KRTAP5-9: variants seen among roughly 807,000 people sequenced by gnomAD.
KRTAP5-9 encodes the protein keratin associated protein 5-9.
In KRTAP5-9, 2 loss-of-function variants were observed where a neutral mutation model predicts 3.0. The observed-to-expected ratio is 0.67, with a 90% CI of 0.27 to 2.09. KRTAP5-9 has a LOEUF of 2.09. Ranked by LOEUF, KRTAP5-9 falls within the 30% of genes most tolerant of loss-of-function variation. The pLI is 0.14. For synonymous variants in KRTAP5-9, 70 were observed against 81.2 expected, an observed-to-expected ratio of 0.86 and a Z score of 0.74; for missense variants, 183 against 204.2, an observed-to-expected ratio of 0.90 and a Z score of 0.63.
chr11:71,548,717 C>T lies in KRTAP5-9; in HGVS notation c.60C>T (p.Ser20=), dbSNP rs1358281925. Residue 20 remains serine (S), a synonymous_variant, in exon 1 of 1, where the codon AGC becomes AGT. Transcript: ENST00000528743. ...CGSSCGGCDS[S]CGSCGSGCRG... is the part of the protein sequence containing the mutation. ...CCAGCTGTGGAGGCTGTGACTCCAG[C>T]TGTGGGAGCTGTGGCTCTGGCTGCA... The T allele has an allele frequency of 6.2e-7, 1 of 1,612,950 alleles. No individual in the cohort carries two copies. The highest frequency in any genetic ancestry group is 1.3e-5 in the African/African-American group (1 of 75,020).
At position 71,549,123 on chromosome 11, in the gene KRTAP5-9, C is replaced by A. The variant is rs757064272; in HGVS notation, c.466C>A (p.Gln156Lys). 4 of 1,614,210 alleles carry A rather than the reference C, an allele frequency of 2.5e-6. No homozygotes were observed. In the South Asian group the frequency reaches 4.4e-5, roughly 18 times the overall value. The part of the protein sequence containing the change: ...QSSCCKPCCS[Q>K]SRCCVPVCYQ... ...CAGCTGCTGCAAGCCCTGCTGCTCC[C>A]AGTCCAGATGCTGTGTCCCTGTGTG... Residue 156 changes from glutamine to lysine, a missense_variant, in exon 1 of 1, where the codon CAG (glutamine) becomes AAG (lysine). Physicochemically the swap from Gln to Lys is moderately conservative, Grantham distance 53. Transcript: ENST00000528743.
In KRTAP5-9 at chr11:71,549,213, C is replaced by T; in HGVS notation, c.*46C>T. On this transcript the variant is annotated 3_prime_UTR_variant, in exon 1 of 1. Transcript: ENST00000528743. ...GGTAGCTCCTGAAGATCTGTGCTTT[C>T]CAACAAGTGACTACCCTTGAAGCAC... 14 of 1,611,570 alleles carry T rather than the reference C, an allele frequency of 8.7e-6. No individual in the cohort carries two copies. The highest frequency in any genetic ancestry group is 1.2e-5 in the Non-Finnish European group (14 of 1,177,968).
Position 71,548,776 on chromosome 11 carries a change from A to G in KRTAP5-9, c.119A>G (p.Tyr40Cys), listed in dbSNP as rs10792769. 0.13 allele frequency: 209,877 copies of G among 1,613,374 alleles called. 16,815 individuals carry two copies. Among genetic ancestry groups the G allele is most frequent in the African/African-American group, 0.38 (28,150 of 74,924 alleles). ...GGCCCCAGCTGCTGTGCACCCGTCT[A>G]CTGCTGCAAGCCCGTGTGCTGCTGT... ...GCGPSCCAPV[Y>C]CCKPVCCCVP... is the part of the protein sequence containing the mutation. The change falls in exon 1 of 1, where the codon TAC becomes TGC. Residue 40 changes from tyrosine (Y) to cysteine (C), a missense_variant. Tyr to Cys is a radical substitution (Grantham distance 194). Transcript: ENST00000528743.
Position 71,549,520 on chromosome 11 carries a change from T to C in KRTAP5-9, c.*353T>C, listed in dbSNP as rs1420745787. The C allele has an allele frequency of 2.5e-6, 1 of 401,762 alleles. No homozygotes were observed. The highest frequency in any genetic ancestry group is 4.7e-6 in the Non-Finnish European group (1 of 211,252). The allele number at this position is 401,762 out of a possible 1,614,324, so 24.9% of individuals were successfully genotyped here. ...CCAGGAGCTTCACGACATTTGCAGA[T>C]GGATGTCCTGCAACCCAAATGATCA... On this transcript the variant is annotated 3_prime_UTR_variant, in exon 1 of 1. Coordinates refer to ENST00000528743, the MANE Select transcript of KRTAP5-9 (RefSeq NM_005553.4).
Position 71,548,856 on chromosome 11 carries a change from G to T in KRTAP5-9, c.199G>T (p.Gly67Cys). 1 of 1,614,140 alleles carries T rather than the reference G, an allele frequency of 6.2e-7. No individual in the cohort carries two copies. The highest frequency in any genetic ancestry group is 8.5e-7 in the Non-Finnish European group (1 of 1,180,030). The stretch of plus-strand genomic sequence containing the variant: ...CAAGCGGGGCTGTGGCTCCTGTGGG[G>T]GCTCCAAGGGAGGCTGTGGTTCTTG... Reference protein sequence around the residue: ...CGKRGCGSCGGSKGGCGSCGC... With the variant: ...CGKRGCGSCGCSKGGCGSCGC... Residue 67 changes from glycine to cysteine, a missense_variant, in exon 1 of 1, where the codon GGC becomes TGC. Transcript: ENST00000528743.
Position 71,549,134 on chromosome 11 carries a change from C to A in KRTAP5-9, c.477C>A (p.Cys159Ter), listed in dbSNP as rs1478850299. 6.2e-7 allele frequency: 1 copy of A among 1,614,232 alleles called. No individual in the cohort carries two copies. Among genetic ancestry groups the A allele is most frequent in the Non-Finnish European group, 8.5e-7 (1 of 1,180,034 alleles). ...CCKPCCSQSRCCVPVCYQCKI is the reference protein window; with the variant it reads ...CCKPCCSQSR ...AGCCCTGCTGCTCCCAGTCCAGATG[C>A]TGTGTCCCTGTGTGCTACCAGTGCA... The change falls in exon 1 of 1, where the codon TGC becomes TGA. Residue 159 changes from cysteine (C) to a stop codon, truncating the protein, a stop_gained. Coordinates refer to ENST00000528743, the MANE Select transcript of KRTAP5-9 (RefSeq NM_005553.4). LOFTEE classifies it high-confidence loss of function.
chr11:71,548,540 A>C lies in KRTAP5-9; in HGVS notation c.-118A>C. On this transcript the variant is annotated 5_prime_UTR_variant, in exon 1 of 1. Coordinates refer to ENST00000528743, the MANE Select transcript of KRTAP5-9 (RefSeq NM_005553.4). ...AGGAGCTGTGTAACAGCAACCGGAA[A>C]GAGAAACAATGGTGTGTTCCTATGT... The C allele has an allele frequency of 2.0e-5, 31 of 1,515,414 alleles. No homozygotes were observed. Among genetic ancestry groups the C allele is most frequent in the South Asian group, 2.7e-5 (2 of 75,264 alleles). The allele number at this position is 1,515,414 out of a possible 1,614,324, so 93.9% of individuals were successfully genotyped here.
At position 71,549,374 on chromosome 11, in the gene KRTAP5-9, A is replaced by C; in HGVS notation, c.*207A>C. 2.7e-6 allele frequency: 2 copies of C among 736,038 alleles called. No individual in the cohort carries two copies. The highest frequency in any genetic ancestry group is 4.5e-6 in the Non-Finnish European group (2 of 448,050). The allele number at this position is 736,038 out of a possible 1,614,324, so 45.6% of individuals were successfully genotyped here. ...CCAGGCAATTTTGCCCCTCTTTCCC[A>C]CATGCCCCCATATGTCTGAGCCAAA... On this transcript the variant is annotated 3_prime_UTR_variant, in exon 1 of 1. Transcript: ENST00000528743.
rs74818399 is a variant in KRTAP5-9, at chr11:71,549,322, C to G, written c.*155C>G. On this transcript the variant is annotated 3_prime_UTR_variant, in exon 1 of 1. Transcript: ENST00000528743. ...GGAAATGGAATGAACCACTCCCTGC[C>G]CATTCCCTATAAGAATATCCCAAGA... is the stretch of plus-strand genomic sequence containing the variant. 4,165 of 1,105,472 alleles carry G rather than the reference C, an allele frequency of 3.8e-3. 119 individuals are homozygous for G. The African/African-American group carries it at 0.059, about 16-fold the overall frequency. The allele number at this position is 1,105,472 out of a possible 1,614,324, so 68.5% of individuals were successfully genotyped here.
chr11:71,549,583 G>T lies in KRTAP5-9; in HGVS notation c.*416G>T. On this transcript the variant is annotated 3_prime_UTR_variant, in exon 1 of 1. Coordinates refer to ENST00000528743, the MANE Select transcript of KRTAP5-9 (RefSeq NM_005553.4). ...GAAATCCAAAATGCATCTGGGTGCA[G>T]CACTAAATAAATTCTCCATCCCTCA... The T allele has an allele frequency of 3.7e-6, 1 of 267,562 alleles. No homozygotes were observed. The highest frequency in any genetic ancestry group is 6.2e-5 in the South Asian group (1 of 16,126). The allele number at this position is 267,562 out of a possible 1,614,324, so 16.6% of individuals were successfully genotyped here.
At position 71,549,531 on chromosome 11, in the gene KRTAP5-9, C is replaced by A; in HGVS notation, c.*364C>A. 1 of 383,942 alleles carries A rather than the reference C, an allele frequency of 2.6e-6. No homozygotes were observed. Among genetic ancestry groups the A allele is most frequent in the Non-Finnish European group, 5.0e-6 (1 of 200,448 alleles). The allele number at this position is 383,942 out of a possible 1,614,324, so 23.8% of individuals were successfully genotyped here. On this transcript the variant is annotated 3_prime_UTR_variant, in exon 1 of 1. Coordinates refer to ENST00000528743, the MANE Select transcript of KRTAP5-9 (RefSeq NM_005553.4). ...ACGACATTTGCAGATGGATGTCCTG[C>A]AACCCAAATGATCACATGTATCTAT...
rs1950106576 is a variant in KRTAP5-9, at chr11:71,548,507, A to G, written c.-151A>G. On this transcript the variant is annotated 5_prime_UTR_variant, in exon 1 of 1. Transcript: ENST00000528743. ...ATAGCCAAAGAAAAACAATCAAGAC[A>G]TACCTCCAGGAGCTGTGTAACAGCA... is the stretch of plus-strand genomic sequence containing the variant. The G allele has an allele frequency of 1.4e-6, 2 of 1,436,086 alleles. No individual in the cohort carries two copies. Among genetic ancestry groups the G allele is most frequent in the Non-Finnish European group, 9.4e-7 (1 of 1,063,822 alleles). 89.0% of individuals were successfully genotyped at this position (1,436,086 alleles called of 1,614,324 possible). A position where few individuals can be genotyped will look rare whatever the true frequency, so the allele number is the denominator to read the frequency against.
chr11:71,548,674 G>T lies in KRTAP5-9; in HGVS notation c.17G>T (p.Cys6Phe). The T allele has an allele frequency of 6.2e-7, 1 of 1,610,376 alleles. No homozygotes were observed. The highest frequency in any genetic ancestry group is 8.5e-7 in the Non-Finnish European group (1 of 1,178,816). Residue 6 changes from cysteine (C) to phenylalanine (F), a missense_variant, in exon 1 of 1, where the codon TGC becomes TTC. Cys to Phe is a radical substitution (Grantham distance 205). Transcript: ENST00000528743. ...ACCAGAACCATGGGCTGCTGTGGCT[G>T]CTCCGGAGGCTGTGGCTCCAGCTGT... MGCCG[C>F]SGGCGSSCGG...
At position 71,549,358 on chromosome 11, in the gene KRTAP5-9, T is replaced by C; in HGVS notation, c.*191T>C. The C allele has an allele frequency of 1.1e-6, 1 of 881,540 alleles. No homozygotes were observed. Among genetic ancestry groups the C allele is most frequent in the Non-Finnish European group, 1.7e-6 (1 of 580,352 alleles). 54.6% of individuals were successfully genotyped at this position (881,540 alleles called of 1,614,324 possible). ...AAGAATATCCCAAGACCCAGGCAATTTTGCCCCTCTTTCCCACATGCCCCC... is the reference window on the plus strand; with the variant it reads ...AAGAATATCCCAAGACCCAGGCAATCTTGCCCCTCTTTCCCACATGCCCCC... On this transcript the variant is annotated 3_prime_UTR_variant, in exon 1 of 1. Transcript: ENST00000528743.
rs1950106587 is a variant in KRTAP5-9 at position 71,548,513 on chromosome 11, C to G, written c.-145C>G. On this transcript the variant is annotated 5_prime_UTR_variant, in exon 1 of 1. Coordinates refer to ENST00000528743, the MANE Select transcript of KRTAP5-9 (RefSeq NM_005553.4). ...AAAGAAAAACAATCAAGACATACCTCCAGGAGCTGTGTAACAGCAACCGGA... is the reference window on the plus strand; with the variant it reads ...AAAGAAAAACAATCAAGACATACCTGCAGGAGCTGTGTAACAGCAACCGGA... 6.8e-7 allele frequency: 1 copy of G among 1,465,006 alleles called. No individual in the cohort carries two copies. The allele number at this position is 1,465,006 out of a possible 1,614,324, so 90.8% of individuals were successfully genotyped here. A position where few individuals can be genotyped will look rare whatever the true frequency, so the allele number is the denominator to read the frequency against.
chr11:71,548,928 G>T lies in KRTAP5-9; in HGVS notation c.271G>T (p.Gly91Cys). ...SCCKPCCCSS[G>C]CGSSCCQCSC... Reference sequence around the variant, plus strand: ...CTGCAAGCCCTGCTGTTGCTCTTCAGGCTGTGGGTCATCCTGCTGCCAGTG... The same window carrying T: ...CTGCAAGCCCTGCTGTTGCTCTTCATGCTGTGGGTCATCCTGCTGCCAGTG... Residue 91 changes from glycine to cysteine, a missense_variant, in exon 1 of 1, where the codon GGC (glycine) becomes TGC (cysteine). By Grantham distance (159) the Gly-to-Cys change is radical (BLOSUM62 -3). Transcript: ENST00000528743. 1 of 1,607,922 alleles carries T rather than the reference G, an allele frequency of 6.2e-7. No individual in the cohort carries two copies. Among genetic ancestry groups the T allele is most frequent in the Non-Finnish European group, 8.5e-7 (1 of 1,179,288 alleles).
At position 71,548,999 on chromosome 11, in the gene KRTAP5-9, C is replaced by A. The variant is rs371997244; in HGVS notation, c.342C>A (p.Pro114=). Residue 114 remains proline (P), a synonymous_variant, in exon 1 of 1, where the codon CCC becomes CCA. Coordinates refer to ENST00000528743, the MANE Select transcript of KRTAP5-9 (RefSeq NM_005553.4). ...GCTCCCAGTGCAGCTGCTGTAAGCC[C>A]TGTTGCTCCTCCTCGGGTCGTGGGT... The part of the protein sequence containing the change: ...PYCSQCSCCK[P]CCSSSGRGSS... 2.5e-6 allele frequency: 4 copies of A among 1,605,870 alleles called. No homozygotes were observed. Among genetic ancestry groups the A allele is most frequent in the Non-Finnish European group, 3.4e-6 (4 of 1,178,912 alleles).
rs1451332352 is a variant in KRTAP5-9 at position 71,548,554 on chromosome 11, G to A, written c.-104G>A. 6.5e-6 allele frequency: 10 copies of A among 1,528,006 alleles called. No homozygotes were observed. Among genetic ancestry groups the A allele is most frequent in the Admixed American group, 2.2e-5 (1 of 46,028 alleles). 94.7% of individuals were successfully genotyped at this position (1,528,006 alleles called of 1,614,324 possible). ...AGCAACCGGAAAGAGAAACAATGGT[G>A]TGTTCCTATGTGGGATATAAAGAGC... On this transcript the variant is annotated 5_prime_UTR_variant, in exon 1 of 1. In the 5' UTR this introduces an upstream ATG that the reference lacks. Transcript: ENST00000528743.
chr11:71,548,568 GA>G lies in KRTAP5-9; in HGVS notation c.-89del. On this transcript the variant is annotated 5_prime_UTR_variant, in exon 1 of 1. An upstream open reading frame in the 5' UTR gains an earlier in-frame stop. Coordinates refer to ENST00000528743, the MANE Select transcript of KRTAP5-9 (RefSeq NM_005553.4). The stretch of plus-strand genomic sequence containing the variant: ...GAAACAATGGTGTGTTCCTATGTGG[GA>G]TATAAAGAGCCGGGGCTCAGGGGGC... 6.4e-7 allele frequency: 1 copy of G among 1,553,284 alleles called. No homozygotes were observed. The highest frequency in any genetic ancestry group is 2.0e-5 in the Admixed American group (1 of 50,178).
Sources: gnomAD v4.1 joint callset for allele counts on GRCh38, gnomAD v4.1.1 for gene constraint, MANE v1.5 for transcripts, NCBI Gene and HGNC (gene_info 2026-07-23, HGNC 2026-07-21) for gene names.